Variants in GTF3C1 observed in about 807,000 individuals in gnomAD.
The protein encoded by GTF3C1 is general transcription factor IIIC subunit 1.
In GTF3C1, 57 loss-of-function variants were observed where a neutral mutation model predicts 226.7. The observed-to-expected ratio is 0.25, with a 90% CI of 0.20 to 0.31. The LOEUF is 0.31. GTF3C1 is among the 10% of genes least tolerant of loss of function. GTF3C1 has a pLI of 1.00. For missense variants in GTF3C1, 2,217 were observed against 2,776.1 expected, an observed-to-expected ratio of 0.80 and a Z score of 4.53; for synonymous variants, 1,090 against 1,084.8, an observed-to-expected ratio of 1.00 and a Z score of -0.09.
At chr16:27,521,870 T>C (rs1446158473) in intron 6 of GTF3C1, among the ~76,000 whole-genome samples, 1 of 152,164 alleles carries the variant, frequency 6.6e-6, no homozygotes, top group African/African-American at 2.4e-5. Context: ...TCCTTTTTGT[T>C]TTTCTAATCT....
chr16:27,538,460 A>G (rs2089033791), intron 2 of GTF3C1, 104 bp from the exon 3 acceptor site: 5 of 708,754 alleles, frequency 7.1e-6, no homozygotes, highest in Non-Finnish European at 1.1e-5. Context: ...TGCTTCTGCT[A>G]GGAGTTTACA....
intron 14 of GTF3C1, among the ~76,000 whole-genome samples, chr16:27,497,278 A>C (rs2088333648): frequency 2.0e-5 from 3 of 152,212 alleles, no homozygotes; most frequent in Admixed American, 2.0e-4. Context: ...CTGTGCTGCC[A>C]GGGGATTTGT....
chr16:27,494,512 T>C (rs1329031200), intron 16 of GTF3C1, among the ~76,000 whole-genome samples: 2 of 152,260 alleles, frequency 1.3e-5, no homozygotes, highest in East Asian at 3.9e-4. Flanking sequence ...AGCGAGTCTT[T>C]AAAGTATTTA....
chr16:27,529,991 C>G (rs2088891184), intron 5 of GTF3C1, among the ~76,000 whole-genome samples: 1 of 152,236 alleles, frequency 6.6e-6, no homozygotes, highest in Non-Finnish European at 1.5e-5. Context: ...GTATCACCCT[C>G]CTGGGCACTG....
intron 4 of GTF3C1, among the ~76,000 whole-genome samples, chr16:27,536,148 A>G (rs751182789): frequency 1.1e-4 from 16 of 152,260 alleles, no homozygotes; most frequent in African/African-American, 2.9e-4. Context: ...TATTTTCTTA[A>G]TAACATTTTC....
In GTF3C1 at chr16:27,497,681, T is replaced by C; in HGVS notation, c.2306A>G (p.Asn769Ser). 4 of 1,614,144 alleles carry C rather than the reference T, an allele frequency of 2.5e-6. No homozygotes were observed. The African/African-American group carries it at 5.3e-5, about 22-fold the overall frequency. The change falls in exon 14 of 37, where the codon AAT becomes AGT. Residue 769 changes from asparagine (N) to serine (S), a missense_variant. By Grantham distance (46) the Asn-to-Ser change is conservative. Coordinates refer to ENST00000356183, the MANE Select transcript of GTF3C1 (RefSeq NM_001520.4). The stretch of plus-strand genomic sequence containing the variant: ...TCTAAGCGGGGTTATGCCCATTTTA[T>C]TATCACTTTTTTTCATCCGTCCACT... ...SESGRMKKSD[N>S]KMGITPLRNY...
chr16:27,548,333 T>C (rs917721642), intron 1 of GTF3C1, among the ~76,000 whole-genome samples: 6 of 152,214 alleles, frequency 3.9e-5, no homozygotes, highest in Non-Finnish European at 8.8e-5. Flanking sequence ...AATGGCTGAA[T>C]CTCAGCTCAC....
At chr16:27,543,414 C>T (rs371366105) in intron 2 of GTF3C1, among the ~76,000 whole-genome samples, 71 of 151,986 alleles carry the variant, frequency 4.7e-4, no homozygotes, top group African/African-American at 1.3e-3. Context: ...AAAAAGAGAT[C>T]GGGTCACGCT....
chr16:27,545,621 G>A, intron 1 of GTF3C1, 98 bp from the exon 2 acceptor site: 1 of 715,894 alleles, frequency 1.4e-6, no homozygotes, highest in Non-Finnish European at 2.5e-6. Context: ...AGATCAGAGA[G>A]AAGTGAGATC....
At position 27,492,198 on chromosome 16, in the gene GTF3C1, G is replaced by C. The variant is rs532874488; in HGVS notation, c.3151+140C>G. 9.9e-6 allele frequency: 6 copies of C among 604,034 alleles called. No homozygotes were observed. The African/African-American group carries it at 1.1e-4, about 11-fold the overall frequency. The allele number at this position is 604,034 out of a possible 1,614,324, so 37.4% of individuals were successfully genotyped here. A position where few individuals can be genotyped will look rare whatever the true frequency, so the allele number is the denominator to read the frequency against. On this transcript the variant is annotated intron_variant, in intron 19 of 36. Coordinates refer to ENST00000356183, the MANE Select transcript of GTF3C1 (RefSeq NM_001520.4). The surrounding 1 kb of genome is among the most constrained non-coding windows in gnomAD (Gnocchi z 5.0). ...CACTTTCCTTTCCAAGGGAGCCCCA[G>C]GGGTGCTCTGGGCCTCTGGGGAGCA...
intron 6 of GTF3C1, among the ~76,000 whole-genome samples, chr16:27,514,220 G>A (rs999337201): frequency 4.6e-5 from 7 of 152,330 alleles, no homozygotes; most frequent in African/African-American, 9.6e-5. Flanking sequence ...AGGCCCCGGC[G>A]CAAGCCTGAA....
At chr16:27,467,919 G>A (rs999838124) in intron 32 of GTF3C1, among the ~76,000 whole-genome samples, 42 of 152,054 alleles carry the variant, frequency 2.8e-4, no homozygotes, top group African/African-American at 1.0e-3. Context: ...AGCTATTATA[G>A]TGATTCCTCT....
intron 19 of GTF3C1, among the ~76,000 whole-genome samples, chr16:27,491,621 T>A (rs961145650): frequency 6.6e-6 from 1 of 151,852 alleles, no homozygotes; most frequent in Non-Finnish European, 1.5e-5. Context: ...GAGAGAGGGG[T>A]GTGGGCAGAG....
At chr16:27,509,017 C>A (rs1567403579) in intron 7 of GTF3C1, among the ~76,000 whole-genome samples, 1 of 152,190 alleles carries the variant, frequency 6.6e-6, no homozygotes, top group African/African-American at 2.4e-5. Context: ...TGTTTCAGAT[C>A]AATGAAATTG....
intron 6 of GTF3C1, among the ~76,000 whole-genome samples, chr16:27,521,093 G>A (rs1255816571): frequency 1.3e-5 from 2 of 152,244 alleles, no homozygotes; most frequent in African/African-American, 4.8e-5. Flanking sequence ...CAGCAGCAGC[G>A]AACCTCTCTT....
intron 28 of GTF3C1, among the ~76,000 whole-genome samples, chr16:27,477,417 C>T (rs4787962): frequency 0.12 from 17,723 of 152,148 alleles, 1,328 homozygotes; most frequent in Admixed American, 0.2. Context: ...AGCGATTCTC[C>T]TGCCTCAGCC....
At position 27,462,813 on chromosome 16, in the gene GTF3C1, AC is replaced by A; in HGVS notation, c.5925-328del. The A allele has an allele frequency of 3.1e-6, 1 of 319,562 alleles. No homozygotes were observed. 19.8% of individuals were successfully genotyped at this position (319,562 alleles called of 1,614,324 possible). A position where few individuals can be genotyped will look rare whatever the true frequency, so the allele number is the denominator to read the frequency against. Reference sequence around the variant, plus strand: ...AGCTCTACTGGCAGCCCAGGCAGAAACCACCTCCAGGCTGTGGCAAAACTCA... The same window carrying A: ...AGCTCTACTGGCAGCCCAGGCAGAAACACCTCCAGGCTGTGGCAAAACTCA... On this transcript the variant is annotated intron_variant, in intron 35 of 36. Transcript: ENST00000356183. The surrounding 1 kb of genome is among the most constrained non-coding windows in gnomAD (Gnocchi z 4.5).
chr16:27,514,168 A>AG (rs1364133507), intron 6 of GTF3C1, among the ~76,000 whole-genome samples: 2 of 152,352 alleles, frequency 1.3e-5, no homozygotes, highest in African/African-American at 4.8e-5. Flanking sequence ...TCACAGCATC[A>AG]GAAAGTCCCC....
chr16:27,461,291 A>AC lies in GTF3C1; in HGVS notation c.*58dup. The stretch of plus-strand genomic sequence containing the variant: ...CAGGGCACAGTGGGGTCTGCCGAGC[A>AC]CCAGGCAGGAGTGGTGTGGCAGGCG... On this transcript the variant is annotated 3_prime_UTR_variant, in exon 37 of 37. Coordinates refer to ENST00000356183, the MANE Select transcript of GTF3C1 (RefSeq NM_001520.4). The surrounding 1 kb of genome is among the most constrained non-coding windows in gnomAD (Gnocchi z 5.3). 8.8e-7 allele frequency: 1 copy of AC among 1,131,858 alleles called. No homozygotes were observed. The highest frequency in any genetic ancestry group is 1.9e-5 in the Admixed American group (1 of 53,252). 70.1% of individuals were successfully genotyped at this position (1,131,858 alleles called of 1,614,324 possible).
Sources: gnomAD v4.1 joint callset for allele counts (sites outside exome capture counted in the v4.1 genomes callset) on GRCh38, gnomAD v4.1.1 for gene constraint, Gnocchi (gnomAD v3.1) non-coding constraint, MANE v1.5 for transcripts, NCBI Gene and HGNC (gene_info 2026-07-23, HGNC 2026-07-21) for gene names.